Variants in SCCPDH observed in about 807,000 individuals in gnomAD.
SCCPDH encodes the protein saccharopine dehydrogenase-like oxidoreductase.
SCCPDH carries 34 observed loss-of-function variants against 51.5 expected under a neutral mutation model. The ratio of observed to expected loss-of-function variants is 0.66; its 90% CI spans 0.50 to 0.88. The LOEUF is 0.88. SCCPDH is among the 40% of genes least tolerant of loss of function. SCCPDH has a pLI of 0.00. For missense variants in SCCPDH, 464 were observed against 527.1 expected, an observed-to-expected ratio of 0.88 and a Z score of 1.17; for synonymous variants, 187 against 191.3, an observed-to-expected ratio of 0.98 and a Z score of 0.19.
chr1:246,752,965 G>GTGTCTC (rs1370210649), intron 5 of SCCPDH, among the ~76,000 whole-genome samples: 1 of 151,054 alleles, frequency 6.6e-6, no homozygotes, highest in East Asian at 1.9e-4. Context: ...CTCTTCGTCT[G>GTGTCTC]TGTCTCTGTC....
At chr1:246,760,303 G>A in intron 9 of SCCPDH, 76 bp downstream of exon 9, 1 of 1,239,668 alleles carries the variant, frequency 8.1e-7, no homozygotes, top group Non-Finnish European at 1.1e-6. Flanking sequence ...CACTTGACAG[G>A]GCACTATGTT....
At chr1:246,754,647 A>G (rs1668903531) in intron 5 of SCCPDH, among the ~76,000 whole-genome samples, 1 of 152,052 alleles carries the variant, frequency 6.6e-6, no homozygotes, top group Non-Finnish European at 1.5e-5. Flanking sequence ...AGGGCTTACA[A>G]CTCTAAGGGG....
chr1:246,754,213 G>T (rs1668897069), intron 5 of SCCPDH, among the ~76,000 whole-genome samples: 1 of 151,996 alleles, frequency 6.6e-6, no homozygotes, highest in Admixed American at 6.6e-5. Context: ...TCTGTGCACA[G>T]AGTTACCTGG....
chr1:246,760,831 C>T (rs1449660874), intron 9 of SCCPDH, among the ~76,000 whole-genome samples: 1 of 152,198 alleles, frequency 6.6e-6, no homozygotes, highest in Non-Finnish European at 1.5e-5. Flanking sequence ...GTTTCCCCCT[C>T]TGTGGAATGT....
rs778033716 is a variant in SCCPDH at position 246,724,482 on chromosome 1, C to T, written c.60C>T (p.Gly20=). The T allele has an allele frequency of 1.3e-6, 2 of 1,588,080 alleles. No individual in the cohort carries two copies. The highest frequency in any genetic ancestry group is 1.8e-4 in the Middle Eastern group (1 of 5,450). The stretch of plus-strand genomic sequence containing the variant: ...TGTTCGGCGCGTCTGGCTTCACCGG[C>T]CAGTTCGTGACCGAGGAGGTGGCCC... ...LVVFGASGFT[G]QFVTEEVARE... Residue 20 remains glycine (G), a synonymous_variant, in exon 1 of 12, where the codon GGC becomes GGT. Coordinates refer to ENST00000366510, the MANE Select transcript of SCCPDH (RefSeq NM_016002.3).
chr1:246,727,319 A>G (rs1468757281), intron 2 of SCCPDH, among the ~76,000 whole-genome samples: 1 of 152,016 alleles, frequency 6.6e-6, no homozygotes, highest in Non-Finnish European at 1.5e-5. Flanking sequence ...GTGTCTCCCT[A>G]GTATATTTTT....
chr1:246,758,984 C>A, intron 6 of SCCPDH, 50 bp from the exon 7 acceptor site: 1 of 1,054,596 alleles, frequency 9.5e-7, no homozygotes, highest in African/African-American at 1.6e-5. Context: ...ATTTACCAGC[C>A]AAAGTTGTAA....
rs915298295 is a variant in SCCPDH, at chr1:246,767,516, T to C, written c.*216T>C. 6 of 318,690 alleles carry C rather than the reference T, an allele frequency of 1.9e-5. No individual in the cohort carries two copies. The highest frequency in any genetic ancestry group is 2.8e-5 in the Non-Finnish European group (5 of 175,728). 19.7% of individuals were successfully genotyped at this position (318,690 alleles called of 1,614,324 possible). On this transcript the variant is annotated 3_prime_UTR_variant, in exon 12 of 12. Transcript: ENST00000366510. ...TTTATTGCTTATAACAGAGAACTCA[T>C]ATTTGACATATTTTTTTCATTGATG...
At position 246,736,021 on chromosome 1, in the gene SCCPDH, G is replaced by T; in HGVS notation, c.350G>T (p.Gly117Val). The change falls in exon 3 of 12, where the codon GGA (glycine) becomes GTA (valine). Residue 117 changes from glycine to valine, a missense_variant. Gly to Val is a moderately radical substitution (Grantham distance 109, BLOSUM62 -3). Coordinates refer to ENST00000366510, the MANE Select transcript of SCCPDH (RefSeq NM_016002.3). The stretch of plus-strand genomic sequence containing the variant: ...GTAATAAAAGCATGTATTGAAAATG[G>T]AGCCAGTTGTATCGACATCAGTGGA... ...EPVIKACIEN[G>V]ASCIDISGEP... 1.2e-6 allele frequency: 2 copies of T among 1,613,008 alleles called. No homozygotes were observed. The highest frequency in any genetic ancestry group is 2.2e-5 in the South Asian group (2 of 90,966).
rs187340289 is a variant in SCCPDH, at chr1:246,746,087, G to A, written c.564+1962G>A. Among the ~76,000 whole-genome samples the A allele has an allele frequency of 3.1e-3, 402 of 128,120 alleles. 4 individuals carry two copies. The highest frequency in any genetic ancestry group is 0.012 in the African/African-American group (384 of 31,714). The allele number at this position is 128,120 out of a possible 152,430, so 84.1% of individuals were successfully genotyped here. On this transcript the variant is annotated intron_variant, in intron 5 of 11. Coordinates refer to ENST00000366510, the MANE Select transcript of SCCPDH (RefSeq NM_016002.3). The stretch of plus-strand genomic sequence containing the variant: ...CGCACCGCTGCACTCCAGCCTGGGC[G>A]ACAGAGCGAGACTCCATCTCAAAAA...
chr1:246,757,027 C>T (rs1031673445), intron 5 of SCCPDH, among the ~76,000 whole-genome samples: 6 of 152,084 alleles, frequency 3.9e-5, no homozygotes, highest in African/African-American at 7.2e-5. Flanking sequence ...AATTAAAAGG[C>T]CCACCTAGAG....
intron 5 of SCCPDH, among the ~76,000 whole-genome samples, chr1:246,752,293 G>A (rs1329637470): frequency 6.6e-6 from 1 of 152,102 alleles, no homozygotes; most frequent in East Asian, 1.9e-4. Context: ...GACCTAGACA[G>A]AAGTGCAGAT....
Position 246,726,894 on chromosome 1 carries a change from A to G in SCCPDH, c.193A>G (p.Arg65Gly). 2 of 1,608,690 alleles carry G rather than the reference A, an allele frequency of 1.2e-6. No homozygotes were observed. Among genetic ancestry groups the G allele is most frequent in the Non-Finnish European group, 1.7e-6 (2 of 1,175,136 alleles). Residue 65 changes from arginine (R) to glycine (G), a missense_variant and splice_region_variant, in exon 2 of 12, where the codon AGA becomes GGA. By Grantham distance (125) the Arg-to-Gly change is moderately radical. Coordinates refer to ENST00000366510, the MANE Select transcript of SCCPDH (RefSeq NM_016002.3). ...CCTTCATTTGTTTCTTATTTTAGGA[A>G]GACCAACACTGTCATCTGAAGTTGG... ...VLEKAALKLGRPTLSSEVGII... is the reference protein window; with the variant it reads ...VLEKAALKLGGPTLSSEVGII...
chr1:246,737,772 A>G (rs1051609635), intron 3 of SCCPDH, among the ~76,000 whole-genome samples: 2 of 152,028 alleles, frequency 1.3e-5, no homozygotes, highest in Admixed American at 6.5e-5. Context: ...TTGTATTTTT[A>G]GTAGTGACAG....
At position 246,726,914 on chromosome 1, in the gene SCCPDH, A is replaced by C. The variant is rs762710641; in HGVS notation, c.213A>C (p.Glu71Asp). ...TAGGAAGACCAACACTGTCATCTGA[A>C]GTTGGAATCATCATCTGTGATATTG... The part of the protein sequence containing the change: ...LKLGRPTLSS[E>D]VGIIICDIAN... Residue 71 changes from glutamate to aspartate, a missense_variant, in exon 2 of 12, where the codon GAA becomes GAC. Transcript: ENST00000366510. 8.7e-6 allele frequency: 14 copies of C among 1,613,656 alleles called. No individual in the cohort carries two copies. In the Admixed American group the frequency reaches 2.3e-4, roughly 27 times the overall value.
Position 246,752,432 on chromosome 1 carries a change from A to G in SCCPDH, c.565-5794A>G, listed in dbSNP as rs1000034512. Among the ~76,000 whole-genome samples the G allele has an allele frequency of 1.2e-4, 18 of 152,164 alleles. 1 individual carries two copies. The highest frequency in any genetic ancestry group is 2.6e-4 in the Non-Finnish European group (18 of 68,042). ...CTGATTAATAGCTCTAAGTTCTTGCACTAACCAGTATGACCCATCTGGCTT... is the reference window on the plus strand; with the variant it reads ...CTGATTAATAGCTCTAAGTTCTTGCGCTAACCAGTATGACCCATCTGGCTT... On this transcript the variant is annotated intron_variant, in intron 5 of 11. Transcript: ENST00000366510.
Position 246,767,204 on chromosome 1 carries a change from C to T in SCCPDH, c.1194C>T (p.Val398=). 5.0e-6 allele frequency: 8 copies of T among 1,608,694 alleles called. No individual in the cohort carries two copies. Among genetic ancestry groups the T allele is most frequent in the Non-Finnish European group, 6.8e-6 (8 of 1,177,016 alleles). The part of the protein sequence containing the change: ...DASHLPKAGG[V]FTPGAAFSKT... Reference sequence around the variant, plus strand: ...TGTTATTGTTTTATAGGGGCGGGGTCTTCACACCTGGAGCAGCTTTTTCCA... The same window carrying T: ...TGTTATTGTTTTATAGGGGCGGGGTTTTCACACCTGGAGCAGCTTTTTCCA... The change falls in exon 12 of 12, where the codon GTC becomes GTT. Residue 398 remains valine (V), a synonymous_variant. Coordinates refer to ENST00000366510, the MANE Select transcript of SCCPDH (RefSeq NM_016002.3).
intron 2 of SCCPDH, among the ~76,000 whole-genome samples, chr1:246,731,574 A>C (rs1668490273): frequency 6.6e-6 from 1 of 152,250 alleles, no homozygotes; most frequent in South Asian, 2.1e-4. Context: ...GGGTGTGAAG[A>C]AGCAGCATGC....
At chr1:246,742,801 C>A (rs138585220) in intron 4 of SCCPDH, among the ~76,000 whole-genome samples, 85 of 152,208 alleles carry the variant, frequency 5.6e-4, no homozygotes, top group African/African-American at 2.0e-3. Flanking sequence ...GAGAATTAGC[C>A]AGCCCATTAT....
Sources: gnomAD v4.1 joint callset for allele counts (sites outside exome capture counted in the v4.1 genomes callset) on GRCh38, gnomAD v4.1.1 for gene constraint, MANE v1.5 for transcripts, NCBI Gene and HGNC (gene_info 2026-07-23, HGNC 2026-07-21) for gene names.